MBD5: variants seen among roughly 807,000 people sequenced by gnomAD.
MBD5 encodes methyl-CpG binding domain protein 5, also known as methyl-CpG-binding domain protein 5.
A neutral mutation model predicts 117.3 loss-of-function variants in MBD5; 13 were observed. That is an observed-to-expected ratio of 0.11 (90% CI 0.07 to 0.18). MBD5 has a LOEUF of 0.18. MBD5 is among the 10% of genes least tolerant of loss of function. The probability of loss-of-function intolerance (pLI) is 1.00; values close to 1 mark genes in which losing one functional copy is unlikely to be tolerated. For synonymous variants in MBD5, 727 were observed against 766.4 expected, an observed-to-expected ratio of 0.95 and a Z score of 0.85; for missense variants, 1,879 against 2,093.8, an observed-to-expected ratio of 0.90 and a Z score of 2.00.
chr2:148,292,002 C>T (rs901994002), intron 3 of MBD5, among the ~76,000 whole-genome samples: 1 of 152,100 alleles, frequency 6.6e-6, no homozygotes, highest in African/African-American at 2.4e-5. Flanking sequence ...TGGGAAAACT[C>T]AATAATCGTA....
chr2:148,494,823 G>C (rs536296814), intron 11 of MBD5, among the ~76,000 whole-genome samples: 72 of 152,202 alleles, frequency 4.7e-4, no homozygotes, highest in South Asian at 1.0e-3. Context: ...ATTAGCCGGG[G>C]GTGGTGGCGG....
At chr2:148,135,205 T>C (rs1367895168) in intron 1 of MBD5, among the ~76,000 whole-genome samples, 1 of 152,238 alleles carries the variant, frequency 6.6e-6, no homozygotes, top group African/African-American at 2.4e-5. Flanking sequence ...TACCAAAATA[T>C]GTCCGGTTGT....
intron 3 of MBD5, among the ~76,000 whole-genome samples, chr2:148,283,805 A>C (rs1371371754): frequency 1.3e-5 from 2 of 152,212 alleles, no homozygotes; most frequent in Admixed American, 6.5e-5. Flanking sequence ...CCAGAAAAAA[A>C]GTTAGCACAC....
At chr2:148,152,132 T>G (rs1329128815) in intron 1 of MBD5, among the ~76,000 whole-genome samples, 1 of 152,172 alleles carries the variant, frequency 6.6e-6, no homozygotes, top group Non-Finnish European at 1.5e-5. Flanking sequence ...GAGATTCTGG[T>G]ATGTTGTGTC....
chr2:148,271,203 A>C (rs1343074828), intron 3 of MBD5, among the ~76,000 whole-genome samples: 1 of 152,058 alleles, frequency 6.6e-6, no homozygotes, highest in Non-Finnish European at 1.5e-5. Flanking sequence ...AGTTGTTTCT[A>C]GTTTTATTAC....
intron 1 of MBD5, among the ~76,000 whole-genome samples, chr2:148,061,447 C>CA (rs1573968905): frequency 1.3e-5 from 2 of 152,004 alleles, no homozygotes; most frequent in East Asian, 3.9e-4. Context: ...TAATTGACAT[C>CA]ATATTGTGCA....
At chr2:148,154,972 T>C (rs1043449835) in intron 1 of MBD5, among the ~76,000 whole-genome samples, 3 of 152,136 alleles carry the variant, frequency 2.0e-5, no homozygotes, top group Non-Finnish European at 4.4e-5. Flanking sequence ...AAATATTTAT[T>C]GAGTTCTTAT....
intron 1 of MBD5, among the ~76,000 whole-genome samples, chr2:148,156,235 A>G (rs1373141171): frequency 1.3e-5 from 2 of 152,246 alleles, no homozygotes; most frequent in Non-Finnish European, 2.9e-5. Context: ...TGCTGACTTT[A>G]GATTAAATTT....
intron 3 of MBD5, among the ~76,000 whole-genome samples, chr2:148,245,629 T>C (rs192387798): frequency 6.6e-6 from 1 of 152,232 alleles, no homozygotes; most frequent in Non-Finnish European, 1.5e-5. Context: ...ACTTTAAGTA[T>C]AAAGAATTAA....
chr2:148,059,068 A>G (rs921297935), intron 1 of MBD5, among the ~76,000 whole-genome samples: 5 of 152,148 alleles, frequency 3.3e-5, no homozygotes, highest in Non-Finnish European at 5.9e-5. Context: ...GATGTTGCTG[A>G]TATTTTAGAG....
At chr2:148,104,304 C>T (rs1696311967) in intron 1 of MBD5, among the ~76,000 whole-genome samples, 1 of 151,910 alleles carries the variant, frequency 6.6e-6, no homozygotes, top group Non-Finnish European at 1.5e-5. Context: ...TCATGAGATG[C>T]ATACATGAAA....
At chr2:148,337,102 C>G (rs1434591854) in intron 3 of MBD5, among the ~76,000 whole-genome samples, 1 of 152,190 alleles carries the variant, frequency 6.6e-6, no homozygotes, top group East Asian at 1.9e-4. Flanking sequence ...ATCTTCCCAA[C>G]TACCTTTCTT....
At chr2:148,495,210 C>T (rs1040156873) in intron 11 of MBD5, among the ~76,000 whole-genome samples, 2 of 152,086 alleles carry the variant, frequency 1.3e-5, no homozygotes, top group Non-Finnish European at 2.9e-5. Flanking sequence ...TGACATTACA[C>T]CTCTATGCCT....
intron 12 of MBD5, among the ~76,000 whole-genome samples, chr2:148,505,163 AG>A (rs1266409878): frequency 6.6e-6 from 1 of 152,168 alleles, no homozygotes; most frequent in African/African-American, 2.4e-5. Flanking sequence ...TGTAAAGGAA[AG>A]GGAACAAAAT....
At position 148,127,585 on chromosome 2, in the gene MBD5, G is replaced by A. The variant is rs986260993; in HGVS notation, c.-924-51115G>A. 4.6e-5 allele frequency among the ~76,000 whole-genome samples: 7 copies of A among 152,078 alleles called. No individual in the cohort carries two copies. The East Asian group carries it at 5.8e-4, about 13-fold the overall frequency. On this transcript the variant is annotated intron_variant, in intron 1 of 13. Transcript: ENST00000642680. ...TGATCTTCCTTTCTACGCCTGCATCGTATTCCATGGTATATATGTACCACA... is the reference window on the plus strand; with the variant it reads ...TGATCTTCCTTTCTACGCCTGCATCATATTCCATGGTATATATGTACCACA...
chr2:148,356,205 C>A (rs1169467304), intron 4 of MBD5, among the ~76,000 whole-genome samples: 2 of 152,082 alleles, frequency 1.3e-5, no homozygotes, highest in Non-Finnish European at 2.9e-5. Context: ...TTCCCTCTAC[C>A]TGCAACATAA....
chr2:148,416,480 T>A (rs1705421646), intron 4 of MBD5, among the ~76,000 whole-genome samples: 1 of 152,106 alleles, frequency 6.6e-6, no homozygotes, highest in Non-Finnish European at 1.5e-5. Context: ...TGCACACACA[T>A]CAGCTGGGGC....
At chr2:148,181,134 G>T (rs1698525290) in intron 2 of MBD5, among the ~76,000 whole-genome samples, 1 of 152,154 alleles carries the variant, frequency 6.6e-6, no homozygotes, top group Admixed American at 6.5e-5. Flanking sequence ...ATTTCGTGCT[G>T]TGTATCTCAT....
chr2:148,041,013 A>G (rs550914137), intron 1 of MBD5, among the ~76,000 whole-genome samples: 10 of 152,078 alleles, frequency 6.6e-5, no homozygotes, highest in Non-Finnish European at 1.3e-4. Flanking sequence ...CCCAGGCTGG[A>G]GTGCAGCAGA....
Sources: allele counts gnomAD v4.1 joint callset (sites outside exome capture counted in the v4.1 genomes callset), GRCh38; gene constraint gnomAD v4.1.1; transcripts MANE v1.5; gene names NCBI Gene and HGNC (gene_info 2026-07-23, HGNC 2026-07-21).